NAALADL2: variants seen among roughly 807,000 people sequenced by gnomAD.
The protein encoded by NAALADL2 is inactive N-acetylated-alpha-linked acidic dipeptidase-like protein 2.
NAALADL2 carries 76 observed loss-of-function variants against 87.2 expected under a neutral mutation model. The observed-to-expected ratio is 0.87, with a 90% CI of 0.72 to 1.05. NAALADL2 has a LOEUF of 1.05. NAALADL2 is among the 50% of genes least tolerant of loss of function. NAALADL2 has a pLI of 0.00. For synonymous variants in NAALADL2, 354 were observed against 331.0 expected, an observed-to-expected ratio of 1.07 and a Z score of -0.75; for missense variants, 1,089 against 945.8, an observed-to-expected ratio of 1.15 and a Z score of -1.99.
chr3:174,860,604 T>C (rs16865178), intron 1 of NAALADL2, among the ~76,000 whole-genome samples: 6,834 of 152,178 alleles, frequency 0.045, 533 homozygotes, highest in African/African-American at 0.16. Context: ...GTGCATATGA[T>C]AATGATTTTA....
chr3:174,680,669 G>A (rs1727451884), intron 2 of NAALADL2, among the ~76,000 whole-genome samples: 3 of 151,894 alleles, frequency 2.0e-5, no homozygotes, highest in Non-Finnish European at 2.9e-5. Context: ...TCCAAACTAC[G>A]ACAGTCTTTG....
chr3:175,339,954 A>G (rs543713328), intron 5 of NAALADL2, among the ~76,000 whole-genome samples: 1 of 152,306 alleles, frequency 6.6e-6, no homozygotes, highest in Non-Finnish European at 1.5e-5. Context: ...ATATAACCTC[A>G]ACACATCATT....
At chr3:174,661,894 G>T (rs995038842) in intron 2 of NAALADL2, among the ~76,000 whole-genome samples, 1 of 152,146 alleles carries the variant, frequency 6.6e-6, no homozygotes, top group African/African-American at 2.4e-5. Flanking sequence ...GATGGAACTA[G>T]AGGCCATGAT....
chr3:174,680,421 T>A (rs1181259111), intron 2 of NAALADL2, among the ~76,000 whole-genome samples: 3 of 152,212 alleles, frequency 2.0e-5, no homozygotes, highest in Non-Finnish European at 4.4e-5. Context: ...TGTTGCAGTG[T>A]CTCTTGTCAC....
chr3:175,599,808 G>C (rs1289867497), intron 10 of NAALADL2, among the ~76,000 whole-genome samples: 1 of 152,002 alleles, frequency 6.6e-6, no homozygotes. Context: ...ATTACTATAT[G>C]TACTAGTCAG....
At chr3:174,638,548 T>G (rs188659677) in intron 2 of NAALADL2, among the ~76,000 whole-genome samples, 1 of 152,070 alleles carries the variant, frequency 6.6e-6, no homozygotes. Flanking sequence ...ACTAGAAGTA[T>G]AACTATGGCA....
At chr3:175,628,014 A>C (rs1352114745) in intron 11 of NAALADL2, among the ~76,000 whole-genome samples, 1 of 151,754 alleles carries the variant, frequency 6.6e-6, no homozygotes, top group Admixed American at 6.6e-5. Flanking sequence ...GATAGTAAGA[A>C]AGTCTTTTAC....
chr3:175,399,797 A>G (rs2149053543), intron 5 of NAALADL2, among the ~76,000 whole-genome samples: 1 of 152,216 alleles, frequency 6.6e-6, no homozygotes, highest in East Asian at 1.9e-4. Context: ...TCTCAGCCTT[A>G]TTTTACCCGG....
intron 1 of NAALADL2, among the ~76,000 whole-genome samples, chr3:174,909,632 A>T (rs536422270): frequency 1.5e-4 from 23 of 152,116 alleles, no homozygotes; most frequent in Non-Finnish European, 2.6e-4. Flanking sequence ...CTGTGGGGTT[A>T]CCTACTTGGT....
At chr3:174,501,329 C>T (rs1382476273) in intron 1 of NAALADL2, among the ~76,000 whole-genome samples, 2 of 143,058 alleles carry the variant, frequency 1.4e-5, no homozygotes, top group African/African-American at 6.1e-5. Flanking sequence ...CCGCCCGCCT[C>T]GGCCTTCCAA....
intron 1 of NAALADL2, among the ~76,000 whole-genome samples, chr3:174,537,610 A>G (rs1320449978): frequency 6.6e-6 from 1 of 152,184 alleles, no homozygotes. Context: ...TAAGTGGAAC[A>G]ATAGCGACAG....
chr3:174,516,316 C>G (rs79797907), intron 1 of NAALADL2, among the ~76,000 whole-genome samples: 6 of 151,946 alleles, frequency 3.9e-5, no homozygotes, highest in Admixed American at 1.3e-4. Context: ...CTCATTTGAC[C>G]CACTGCTGTA....
rs760909796 is a variant in NAALADL2, at chr3:175,495,965, A to C, written c.1653+24207A>C. ...TATATATTTTATTTATGACTCGACA[A>C]CTTCTTTACATGATGTAACCTAATT... On this transcript the variant is annotated intron_variant, in intron 9 of 13. Transcript: ENST00000454872. Among the ~76,000 whole-genome samples the C allele has an allele frequency of 2.0e-4, 30 of 152,056 alleles. 1 individual carries two copies. The highest frequency in any genetic ancestry group is 2.5e-4 in the Non-Finnish European group (17 of 68,000).
At chr3:174,855,881 C>T (rs13316502), upstream of NAALADL2, among the ~76,000 whole-genome samples, 65,905 of 141,058 alleles carry the variant, frequency 0.47, 15,470 homozygotes, top group African/African-American at 0.58. Flanking sequence ...TATATACATA[C>T]ATATGAATAT....
At chr3:174,622,773 G>A (rs914079608) in intron 2 of NAALADL2, among the ~76,000 whole-genome samples, 11 of 152,174 alleles carry the variant, frequency 7.2e-5, no homozygotes, top group African/African-American at 2.7e-4. Context: ...GGGCGCGGTG[G>A]CTCACGCCTG....
At chr3:174,782,269 C>G (rs905224821) in intron 3 of NAALADL2, among the ~76,000 whole-genome samples, 3 of 152,090 alleles carry the variant, frequency 2.0e-5, no homozygotes, top group Non-Finnish European at 4.4e-5. Flanking sequence ...AAACACAATT[C>G]AAATAGACGA....
chr3:175,425,090 G>A (rs555380682), intron 5 of NAALADL2, among the ~76,000 whole-genome samples: 30 of 152,230 alleles, frequency 2.0e-4, no homozygotes, highest in African/African-American at 7.2e-4. Flanking sequence ...AAGTATGAGG[G>A]AAAGTCACAG....
intron 1 of NAALADL2, among the ~76,000 whole-genome samples, chr3:174,939,309 G>A (rs113070308): frequency 0.041 from 6,264 of 151,926 alleles, 434 homozygotes; most frequent in African/African-American, 0.14. Flanking sequence ...CAAAGATCAG[G>A]TGGTCATAGG....
rs141274486 is a variant in NAALADL2 at position 174,953,912 on chromosome 3, A to C, written c.43+94462A>C. Among the ~76,000 whole-genome samples the C allele has an allele frequency of 9.1e-3, 1,384 of 152,154 alleles. 6 individuals carry two copies. Among genetic ancestry groups the C allele is most frequent in the South Asian group, 0.012 (57 of 4,822 alleles). Reference sequence around the variant, plus strand: ...GACATACACTCCGTTCTCTGTCCTCAGTGGCTAGATTTCAGGGAAGTTAAG... The same window carrying C: ...GACATACACTCCGTTCTCTGTCCTCCGTGGCTAGATTTCAGGGAAGTTAAG... On this transcript the variant is annotated intron_variant, in intron 1 of 13. Transcript: ENST00000454872.
Sources: gnomAD v4.1 joint callset for allele counts (sites outside exome capture counted in the v4.1 genomes callset) on GRCh38, gnomAD v4.1.1 for gene constraint, MANE v1.5 for transcripts, NCBI Gene and HGNC (gene_info 2026-07-23, HGNC 2026-07-21) for gene names.